Variants in AURKB observed in about 807,000 individuals in gnomAD.
AURKB encodes aurora kinase B-Sv1.
Under a neutral mutation model 36.5 loss-of-function variants are expected in AURKB, and 28 were observed. The ratio of observed to expected loss-of-function variants is 0.77; its 90% CI spans 0.57 to 1.05. The LOEUF is 1.05. Ranked by LOEUF, AURKB falls within the 50% of genes least tolerant of loss-of-function variation. The pLI, the probability that AURKB is intolerant of heterozygous loss-of-function variation, is 0.00. For missense variants in AURKB, 383 were observed against 447.4 expected, an observed-to-expected ratio of 0.86 and a Z score of 1.30; for synonymous variants, 175 against 172.9, an observed-to-expected ratio of 1.01 and a Z score of -0.09.
intron 7 of AURKB, among the ~76,000 whole-genome samples, chr17:8,205,625 C>G (rs149124009): frequency 6.6e-6 from 1 of 152,206 alleles, no homozygotes; most frequent in Non-Finnish European, 1.5e-5. Flanking sequence ...AATAAGATAC[C>G]CTGATATGAG....
chr17:8,209,629 G>A (rs994721606), intron 2 of AURKB, among the ~76,000 whole-genome samples: 2 of 152,164 alleles, frequency 1.3e-5, no homozygotes, highest in Non-Finnish European at 2.9e-5. Flanking sequence ...CCACATATAT[G>A]TGGGAATTTA....
Position 8,205,419 on chromosome 17 carries a change from G to A in AURKB, c.687-29C>T, listed in dbSNP as rs374734068. On this transcript the variant is annotated intron_variant, in intron 7 of 8. Coordinates refer to ENST00000585124, the MANE Select transcript of AURKB (RefSeq NM_004217.4). ...GGAGGGATAAGGGGCGTGGGCAGGGGTCCTAGTGACATAGGAACTCTCCTT... is the reference window on the plus strand; with the variant it reads ...GGAGGGATAAGGGGCGTGGGCAGGGATCCTAGTGACATAGGAACTCTCCTT... The A allele has an allele frequency of 3.7e-6, 6 of 1,608,896 alleles. No individual in the cohort carries two copies. In the African/African-American group the frequency reaches 4.0e-5, roughly 11 times the overall value.
chr17:8,207,804 G>T lies in AURKB; in HGVS notation c.85C>A (p.Leu29Ile). 6.2e-7 allele frequency: 1 copy of T among 1,614,004 alleles called. No individual in the cohort carries two copies. Among genetic ancestry groups the T allele is most frequent in the Non-Finnish European group, 8.5e-7 (1 of 1,179,964 alleles). ...SGLSTLPQRV[L>I]RKEPVTPSAL... ...GATGGGGTGACAGGCTCTTTCCGGA[G>T]GACTCGCTGGGGCAGGGTGCTCAGG... The change falls in exon 3 of 9, where the codon CTC becomes ATC. Residue 29 changes from leucine to isoleucine, a missense_variant. Leu to Ile is a conservative substitution (Grantham distance 5). Transcript: ENST00000585124.
rs547667789 is a variant in AURKB, at chr17:8,205,310, A to T, written c.767T>A (p.Leu256Gln). 1 of 1,614,204 alleles carries T rather than the reference A, an allele frequency of 6.2e-7. No individual in the cohort carries two copies. The highest frequency in any genetic ancestry group is 8.5e-7 in the Non-Finnish European group (1 of 1,180,030). Reference sequence around the variant, plus strand: ...ATAGCAAAGCACTCCAATGCACCACAGATCCACCTTCTCATTGTGCATGCG... The same window carrying T: ...ATAGCAAAGCACTCCAATGCACCACTGATCCACCTTCTCATTGTGCATGCG... The part of the protein sequence containing the change: ...EGRMHNEKVD[L>Q]WCIGVLCYEL... Residue 256 changes from leucine to glutamine, a missense_variant, in exon 8 of 9, where the codon CTG becomes CAG. By Grantham distance (113) the Leu-to-Gln change is moderately radical. Coordinates refer to ENST00000585124, the MANE Select transcript of AURKB (RefSeq NM_004217.4).
Position 8,206,523 on chromosome 17 carries a change from G to A in AURKB, c.654C>T (p.Asp218=). The A allele has an allele frequency of 1.2e-6, 2 of 1,614,202 alleles. No individual in the cohort carries two copies. Among genetic ancestry groups the A allele is most frequent in the African/African-American group, 1.3e-5 (1 of 75,050 alleles). ...AGGGCGCATGCACAGACCAGCCGAA[G>A]TCAGCAATCTTCAGCTCTCCCTTGA... The part of the protein sequence containing the change: ...LGLKGELKIA[D]FGWSVHAPSL... The change falls in exon 7 of 9, where the codon GAC becomes GAT. Residue 218 remains aspartate (D), a synonymous_variant. Coordinates refer to ENST00000585124, the MANE Select transcript of AURKB (RefSeq NM_004217.4). The surrounding 1 kb of genome is among the most constrained non-coding windows in gnomAD (Gnocchi z 4.2).
At chr17:8,208,636 T>TAAATAAATAAA (rs1555529408) in intron 2 of AURKB, among the ~76,000 whole-genome samples, 66 of 135,828 alleles carry the variant, frequency 4.9e-4, no homozygotes, top group Admixed American at 2.0e-3. Context: ...AAATAAAAAA[T>TAAATAAATAAA]AAATAACCTA....
rs771529944 is a variant in AURKB at position 8,205,245 on chromosome 17, G to A, written c.832C>T (p.His278Tyr). 4.3e-6 allele frequency: 7 copies of A among 1,614,000 alleles called. No homozygotes were observed. In the Admixed American group the frequency reaches 1.0e-4, roughly 23 times the overall value. ...ACGATGCGGCGATAGGTCTCGTTGT[G>A]TGATGCACTCTCAAAGGGTGGGTTC... is the stretch of plus-strand genomic sequence containing the variant. ...VGNPPFESAS[H>Y]NETYRRIVKV... is the part of the protein sequence containing the mutation. The change falls in exon 8 of 9, where the codon CAC becomes TAC. Residue 278 changes from histidine (H) to tyrosine (Y), a missense_variant. Transcript: ENST00000585124.
Position 8,210,012 on chromosome 17 carries a change from AC to A in AURKB, c.48+164del, listed in dbSNP as rs1985892729. On this transcript the variant is annotated intron_variant, in intron 2 of 8. Coordinates refer to ENST00000585124, the MANE Select transcript of AURKB (RefSeq NM_004217.4). ...TGGCAGCACCTGACAGGATGTGGCT[AC>A]AAATGACCAGAGCGGGTTCTGTCGT... 7 of 887,930 alleles carry A rather than the reference AC, an allele frequency of 7.9e-6. No homozygotes were observed. The Admixed American group carries it at 9.1e-5, about 12-fold the overall frequency. The allele number at this position is 887,930 out of a possible 1,614,324, so 55.0% of individuals were successfully genotyped here.
At chr17:8,207,064 G>T in intron 5 of AURKB, 112 bp downstream of exon 5, 1 of 1,437,420 alleles carries the variant, frequency 7.0e-7, no homozygotes, top group Non-Finnish European at 9.4e-7. Flanking sequence ...AGAGCTAAAT[G>T]GGGCTCACTA....
Position 8,210,540 on chromosome 17 carries a change from AG to A in AURKB, c.-37del, listed in dbSNP as rs1166372971. 2 of 431,970 alleles carry A rather than the reference AG, an allele frequency of 4.6e-6. No homozygotes were observed. The highest frequency in any genetic ancestry group is 8.3e-6 in the Non-Finnish European group (2 of 241,486). 26.8% of individuals were successfully genotyped at this position (431,970 alleles called of 1,614,324 possible). ...AGGAGGCCAGCTCACCTGGGGTCCA[AG>A]GCACTGCTACTCTCCCGGCCGCCCG... On this transcript the variant is annotated 5_prime_UTR_variant, in exon 1 of 9. Coordinates refer to ENST00000585124, the MANE Select transcript of AURKB (RefSeq NM_004217.4).
At position 8,204,825 on chromosome 17, in the gene AURKB, TACAC is replaced by T; in HGVS notation, c.*42_*45del. 1 of 1,604,602 alleles carries T rather than the reference TACAC, an allele frequency of 6.2e-7. No individual in the cohort carries two copies. The highest frequency in any genetic ancestry group is 8.5e-7 in the Non-Finnish European group (1 of 1,176,040). ...AGGGATCCCTTCTTTCCCCTATACATACACAGACATACAAACACACGCACCCGAG... is the reference window on the plus strand; with the variant it reads ...AGGGATCCCTTCTTTCCCCTATACATAGACATACAAACACACGCACCCGAG... On this transcript the variant is annotated 3_prime_UTR_variant, in exon 9 of 9. Transcript: ENST00000585124.
chr17:8,207,426 T>C (rs1985477262), intron 4 of AURKB, 59 bp from the exon 5 acceptor site: 4 of 1,582,750 alleles, frequency 2.5e-6, no homozygotes, highest in Non-Finnish European at 2.6e-6. Context: ...AGAGGTTTGC[T>C]TTCTCTCTGC....
At chr17:8,205,477 C>T in intron 7 of AURKB, 87 bp from the exon 8 acceptor site, 1 of 1,512,534 alleles carries the variant, frequency 6.6e-7, no homozygotes, top group South Asian at 1.2e-5. Context: ...AGCCAAAAGA[C>T]CACGGGATGT....
rs117374701 is a variant in AURKB, at chr17:8,209,892, A to G, written c.48+285T>C. On this transcript the variant is annotated intron_variant, in intron 2 of 8. Transcript: ENST00000585124. ...GATTGGGAATCATGGCCTGAAGGCCAGGCCCTGCCTGCTCAGTCCCAGATA... is the reference window on the plus strand; with the variant it reads ...GATTGGGAATCATGGCCTGAAGGCCGGGCCCTGCCTGCTCAGTCCCAGATA... The G allele has an allele frequency of 3.7e-3, 1,897 of 509,258 alleles. 41 individuals carry two copies. In the East Asian group the frequency reaches 0.039, roughly 10 times the overall value. 31.5% of individuals were successfully genotyped at this position (509,258 alleles called of 1,614,324 possible).
chr17:8,210,557 C>G lies in AURKB; in HGVS notation c.-53G>C, dbSNP rs1597358007. On this transcript the variant is annotated 5_prime_UTR_variant, in exon 1 of 9. Transcript: ENST00000585124. ...GGGGTCCAAGGCACTGCTACTCTCC[C>G]GGCCGCCCGCAAACAACTGAATCTG... 2.6e-6 allele frequency: 1 copy of G among 378,742 alleles called. No individual in the cohort carries two copies. Among genetic ancestry groups the G allele is most frequent in the East Asian group, 5.9e-5 (1 of 17,074 alleles). 23.5% of individuals were successfully genotyped at this position (378,742 alleles called of 1,614,324 possible).
In AURKB at chr17:8,204,784, A is replaced by C; in HGVS notation, c.*87T>G. 2 of 1,531,934 alleles carry C rather than the reference A, an allele frequency of 1.3e-6. No individual in the cohort carries two copies. Among genetic ancestry groups the C allele is most frequent in the Non-Finnish European group, 1.8e-6 (2 of 1,126,110 alleles). 94.9% of individuals were successfully genotyped at this position (1,531,934 alleles called of 1,614,324 possible). Reference sequence around the variant, plus strand: ...TTAAACAAAGGAGGAGGTAGAAAACAGATAAGGGAACAGTTAGGGATCCCT... The same window carrying C: ...TTAAACAAAGGAGGAGGTAGAAAACCGATAAGGGAACAGTTAGGGATCCCT... On this transcript the variant is annotated 3_prime_UTR_variant, in exon 9 of 9. Transcript: ENST00000585124.
chr17:8,207,402 G>A (rs755250402), intron 4 of AURKB, 35 bp from the exon 5 acceptor site: 38 of 1,603,300 alleles, frequency 2.4e-5, no homozygotes, highest in Admixed American at 1.0e-4. Flanking sequence ...ACTCAGAACC[G>A]GTTTTGGTTA....
At position 8,207,205 on chromosome 17, in the gene AURKB, G is replaced by T. The variant is rs768744426; in HGVS notation, c.369C>A (p.Arg123=). Residue 123 remains arginine, a synonymous_variant, in exon 5 of 9, where the codon CGC becomes CGA. Coordinates refer to ENST00000585124, the MANE Select transcript of AURKB (RefSeq NM_004217.4). ...IEKEGVEHQL[R]REIEIQAHLH... ...GGTGGGCCTGGATTTCGATCTCTCT[G>T]CGCAGCTGATGCTCCACGCCCTCCT... The T allele has an allele frequency of 6.2e-7, 1 of 1,614,106 alleles. No individual in the cohort carries two copies. Among genetic ancestry groups the T allele is most frequent in the East Asian group, 2.2e-5 (1 of 44,884 alleles).
rs1403298524 is a variant in AURKB at position 8,206,813 on chromosome 17, G to C, written c.474C>G (p.Pro158=). The change falls in exon 6 of 9, where the codon CCC becomes CCG. Residue 158 remains proline, a synonymous_variant. Coordinates refer to ENST00000585124, the MANE Select transcript of AURKB (RefSeq NM_004217.4). This position sits in a 1 kb window ranked among gnomAD's most constrained non-coding sequence, Gnocchi z 4.2. ...RRIYLILEYA[P]RGELYKELQK... ...GCAGCTCCTTGTAGAGCTCCCCGCG[G>C]GGGGCATACTCTAGAATCAAGTAGA... The C allele has an allele frequency of 3.7e-6, 6 of 1,614,086 alleles. No homozygotes were observed. The Admixed American group carries it at 8.3e-5, about 22-fold the overall frequency.
Sources: gnomAD v4.1 joint callset for allele counts (sites outside exome capture counted in the v4.1 genomes callset) on GRCh38, gnomAD v4.1.1 for gene constraint, Gnocchi (gnomAD v3.1) non-coding constraint, MANE v1.5 for transcripts, NCBI Gene and HGNC (gene_info 2026-07-23, HGNC 2026-07-21) for gene names.